The following OPCML variants were observed in gnomAD, a reference collection of about 807,000 sequenced individuals.
OPCML encodes opioid-binding protein/cell adhesion molecule.
Under a neutral mutation model 37.8 loss-of-function variants are expected in OPCML, and 13 were observed. The observed-to-expected ratio is 0.34, with a 90% CI of 0.22 to 0.55. OPCML has a LOEUF of 0.55. Among genes scored for constraint, OPCML ranks in the 20% least tolerant of loss-of-function variants. OPCML has a pLI of 0.91. For missense variants in OPCML, 341 were observed against 435.6 expected, an observed-to-expected ratio of 0.78 and a Z score of 1.93; for synonymous variants, 176 against 168.8, an observed-to-expected ratio of 1.04 and a Z score of -0.33.
chr11:132,560,018 C>T (rs1180247533), intron 3 of OPCML, among the ~76,000 whole-genome samples: 1 of 152,178 alleles, frequency 6.6e-6, no homozygotes, highest in Middle Eastern at 3.2e-3. Flanking sequence ...TTTATGTGAA[C>T]TTAGTCATTT....
At chr11:132,553,667 A>G (rs1288761028) in intron 3 of OPCML, among the ~76,000 whole-genome samples, 1 of 152,236 alleles carries the variant, frequency 6.6e-6, no homozygotes, top group Non-Finnish European at 1.5e-5. Context: ...AATATATTCT[A>G]AAATGTAGAG....
At chr11:132,517,810 A>C (rs1452350351) in intron 4 of OPCML, among the ~76,000 whole-genome samples, 1 of 152,200 alleles carries the variant, frequency 6.6e-6, no homozygotes, top group Admixed American at 6.5e-5. Context: ...GAAAGTATTC[A>C]GAATAGATAC....
intron 2 of OPCML, among the ~76,000 whole-genome samples, chr11:132,701,322 C>T (rs995909567): frequency 7.2e-5 from 11 of 152,188 alleles, no homozygotes; most frequent in Admixed American, 1.3e-4. Context: ...TGCCTGGCCC[C>T]ACCCTTGACA....
chr11:132,582,369 A>G (rs1219971977), intron 3 of OPCML, among the ~76,000 whole-genome samples: 1 of 152,172 alleles, frequency 6.6e-6, no homozygotes. Flanking sequence ...TATAAGAACT[A>G]TCAAGAAATA....
chr11:133,161,375 G>A (rs948344848), intron 1 of OPCML, among the ~76,000 whole-genome samples: 9 of 152,214 alleles, frequency 5.9e-5, no homozygotes, highest in Admixed American at 5.2e-4. Flanking sequence ...CGTAATGGAC[G>A]TAGAATTAAG....
At chr11:133,254,058 C>A (rs1941237060) in intron 1 of OPCML, among the ~76,000 whole-genome samples, 1 of 152,066 alleles carries the variant, frequency 6.6e-6, no homozygotes, top group Non-Finnish European at 1.5e-5. Context: ...CAAGAGACAG[C>A]AGAACCTCAA....
At chr11:133,011,615 G>C (rs1947215798) in intron 1 of OPCML, among the ~76,000 whole-genome samples, 1 of 150,276 alleles carries the variant, frequency 6.7e-6, no homozygotes, top group Non-Finnish European at 1.5e-5. Flanking sequence ...TTTTTTCCAG[G>C]TATATTGTTT....
At chr11:133,345,995 ATTTTACTAGAATAACCTAGAATTTTATC>A (rs1476362404) in intron 1 of OPCML, among the ~76,000 whole-genome samples, 2 of 152,186 alleles carry the variant, frequency 1.3e-5, no homozygotes, top group Non-Finnish European at 2.9e-5. Context: ...AAGCCAGAAG[ATTTTACTAGAATAACCTAGAATTTTATC>A]TGCATTAGTG....
intron 1 of OPCML, among the ~76,000 whole-genome samples, chr11:133,000,332 C>T (rs1269020926): frequency 6.6e-6 from 1 of 152,168 alleles, no homozygotes; most frequent in Non-Finnish European, 1.5e-5. Flanking sequence ...AGGCTGATCT[C>T]GAACTCCCGT....
intron 4 of OPCML, among the ~76,000 whole-genome samples, chr11:132,441,608 C>G (rs1318008338): frequency 6.6e-6 from 1 of 152,204 alleles, no homozygotes; most frequent in Admixed American, 6.5e-5. Flanking sequence ...TGAACCTGCT[C>G]TAAGCACTCC....
intron 1 of OPCML, among the ~76,000 whole-genome samples, chr11:133,070,878 C>T (rs542402274): frequency 1.3e-5 from 2 of 152,242 alleles, no homozygotes; most frequent in South Asian, 4.2e-4. Context: ...AGAGTTCATA[C>T]CCTGAGCTCA....
At chr11:132,679,894 T>C (rs1032304140) in intron 2 of OPCML, among the ~76,000 whole-genome samples, 1 of 152,212 alleles carries the variant, frequency 6.6e-6, no homozygotes, top group Non-Finnish European at 1.5e-5. Flanking sequence ...TTGATGGTTA[T>C]CCAAAGGAAC....
At chr11:133,476,821 T>C (rs1049660103) in intron 1 of OPCML, among the ~76,000 whole-genome samples, 4 of 152,206 alleles carry the variant, frequency 2.6e-5, no homozygotes, top group African/African-American at 9.7e-5. Flanking sequence ...CTCCTTGCCA[T>C]CATTTACATT....
chr11:133,017,267 A>G (rs2136891774), intron 1 of OPCML, among the ~76,000 whole-genome samples: 1 of 152,254 alleles, frequency 6.6e-6, no homozygotes, highest in East Asian at 1.9e-4. Flanking sequence ...TTCTAACATC[A>G]TCACACCTGG....
At chr11:132,973,956 G>T (rs1037986952) in intron 1 of OPCML, among the ~76,000 whole-genome samples, 1 of 149,822 alleles carries the variant, frequency 6.7e-6, no homozygotes, top group Non-Finnish European at 1.5e-5. Context: ...GAGAAAGCAC[G>T]GAGTGGATCT....
At chr11:133,396,166 T>C (rs556154573) in intron 1 of OPCML, among the ~76,000 whole-genome samples, 2 of 150,888 alleles carry the variant, frequency 1.3e-5, no homozygotes, top group East Asian at 3.9e-4. Context: ...CTTTTTTTTT[T>C]CTTTTTCAGA....
At chr11:132,840,812 C>G (rs1421106329) in intron 2 of OPCML, among the ~76,000 whole-genome samples, 2 of 152,126 alleles carry the variant, frequency 1.3e-5, no homozygotes, top group African/African-American at 4.8e-5. Flanking sequence ...CTGGAGAATG[C>G]TCGTTAGAAA....
At chr11:133,181,521 T>C (rs11606651) in intron 1 of OPCML, among the ~76,000 whole-genome samples, 7,620 of 152,228 alleles carry the variant, frequency 0.05, 238 homozygotes, top group Non-Finnish European at 0.076. Context: ...ATTATACTTT[T>C]GTTCTACAGG....
intron 1 of OPCML, among the ~76,000 whole-genome samples, chr11:132,947,521 C>T (rs886790313): frequency 1.3e-5 from 2 of 152,164 alleles, no homozygotes; most frequent in African/African-American, 2.4e-5. Context: ...GCAAAGGTCT[C>T]ATTTAATGTT....
Sources: gnomAD v4.1 joint callset for allele counts (sites outside exome capture counted in the v4.1 genomes callset) on GRCh38, gnomAD v4.1.1 for gene constraint, MANE v1.5 for transcripts, NCBI Gene and HGNC (gene_info 2026-07-23, HGNC 2026-07-21) for gene names.